DYNLRB2: variants seen among roughly 807,000 people sequenced by gnomAD.
DYNLRB2 encodes the protein dynein light chain roadblock-type 2.
In DYNLRB2, 14 loss-of-function variants were observed where a neutral mutation model predicts 12.6. That is an observed-to-expected ratio of 1.11 (90% CI 0.73 to 1.73). The LOEUF is 1.73. Ranked by LOEUF, DYNLRB2 falls within the 40% of genes most tolerant of loss-of-function variation. The probability of loss-of-function intolerance (pLI) is 0.00; values close to 1 mark genes in which losing one functional copy is unlikely to be tolerated. For missense variants in DYNLRB2, 142 were observed against 117.7 expected, an observed-to-expected ratio of 1.21 and a Z score of -0.95; for synonymous variants, 53 against 37.0, an observed-to-expected ratio of 1.43 and a Z score of -1.57.
At chr16:80,549,690 T>C (rs772045387) in intron 3 of DYNLRB2, 39 bp downstream of exon 3, 14 of 1,539,574 alleles carry the variant, frequency 9.1e-6, no homozygotes, top group Middle Eastern at 1.7e-4. Flanking sequence ...ATCATCTTTC[T>C]AATTTGCTAG....
At chr16:80,549,791 T>A (rs1315301903) in intron 3 of DYNLRB2, 140 bp downstream of exon 3, 2 of 994,062 alleles carry the variant, frequency 2.0e-6, no homozygotes, top group African/African-American at 1.7e-5. Context: ...GATGTTTGAA[T>A]GTAAAAATCC....
intron 2 of DYNLRB2, among the ~76,000 whole-genome samples, chr16:80,543,978 C>CT (rs1904316914): frequency 6.6e-6 from 1 of 152,212 alleles, no homozygotes; most frequent in South Asian, 2.1e-4. Context: ...GTGGCAACCT[C>CT]TTAAGAGTTC....
At chr16:80,548,954 AAC>A (rs1261402551) in intron 2 of DYNLRB2, 1 of 456,042 alleles carries the variant, frequency 2.2e-6, no homozygotes, top group Non-Finnish European at 4.4e-6. Context: ...GAAGAAGACT[AAC>A]ACCATGTCAC....
chr16:80,549,365 G>A (rs1904690001), intron 2 of DYNLRB2, 119 bp from the exon 3 acceptor site: 2 of 1,010,502 alleles, frequency 2.0e-6, no homozygotes, highest in Non-Finnish European at 2.7e-6. Context: ...TACCAGAGAG[G>A]GATAAGCCAT....
At chr16:80,543,416 A>G in intron 2 of DYNLRB2, 65 bp downstream of exon 2, 1 of 1,493,798 alleles carries the variant, frequency 6.7e-7, no homozygotes. Flanking sequence ...TTGCCGTGTT[A>G]GTCCTTAAGA....
intron 2 of DYNLRB2, among the ~76,000 whole-genome samples, chr16:80,545,468 G>A (rs879717771): frequency 5.1e-4 from 78 of 151,952 alleles, no homozygotes; most frequent in African/African-American, 1.4e-3. Flanking sequence ...GCGGTCACCG[G>A]CATGTTCTAA....
At chr16:80,540,907 C>T (rs1909282011), upstream of DYNLRB2, 1 of 1,221,418 alleles carries the variant, frequency 8.2e-7, no homozygotes, top group South Asian at 1.3e-5. Flanking sequence ...GGCCGGGAGG[C>T]ATCAGGAGCG....
Position 80,541,082 on chromosome 16 carries a change from A to G in DYNLRB2, c.3+3A>G. ...AGAGTTTCGCGGCCTCCGCGATGGT[A>G]AATCTGGGGTCTCCGTCCACGCCCC... On this transcript the variant is annotated splice_donor_region_variant and intron_variant, in intron 1 of 3. Coordinates refer to ENST00000305904, the MANE Select transcript of DYNLRB2 (RefSeq NM_130897.3). 1 of 1,607,556 alleles carries G rather than the reference A, an allele frequency of 6.2e-7. No homozygotes were observed. The highest frequency in any genetic ancestry group is 1.7e-5 in the Admixed American group (1 of 59,614).
At chr16:80,540,837 G>A, upstream of DYNLRB2, 1 of 733,684 alleles carries the variant, frequency 1.4e-6, no homozygotes, top group Non-Finnish European at 2.5e-6. Context: ...CACTGCTCCA[G>A]GATTGGGCGA....
At chr16:80,547,751 G>C (rs1258397002) in intron 2 of DYNLRB2, 1 of 455,382 alleles carries the variant, frequency 2.2e-6, no homozygotes, top group African/African-American at 2.0e-5. Context: ...TTTTCTGCTT[G>C]TTAAAGATCC....
intron 2 of DYNLRB2, chr16:80,547,718 G>C (rs1393585216): frequency 4.4e-6 from 2 of 454,818 alleles, no homozygotes; most frequent in South Asian, 1.6e-5. Context: ...CCCATCAAAG[G>C]TTGCATGCTT....
chr16:80,543,179 G>T lies in DYNLRB2; in HGVS notation c.4-97G>T. 2.4e-6 allele frequency: 3 copies of T among 1,227,536 alleles called. No homozygotes were observed. In the South Asian group the frequency reaches 4.1e-5, roughly 17 times the overall value. 76.0% of individuals were successfully genotyped at this position (1,227,536 alleles called of 1,614,324 possible). ...ATCACACCTGGCACCTTAGGTTAAG[G>T]AGATAGGAGAGTAGGTATCTTGCTA... On this transcript the variant is annotated intron_variant, in intron 1 of 3. Transcript: ENST00000305904.
intron 2 of DYNLRB2, among the ~76,000 whole-genome samples, chr16:80,544,402 A>G (rs1244464469): frequency 1.3e-5 from 2 of 152,224 alleles, no homozygotes; most frequent in Non-Finnish European, 2.9e-5. Flanking sequence ...TGAGTGAGAG[A>G]GATAATAGAA....
chr16:80,542,856 C>T (rs1242626938), intron 1 of DYNLRB2, among the ~76,000 whole-genome samples: 1 of 152,048 alleles, frequency 6.6e-6, no homozygotes, highest in Non-Finnish European at 1.5e-5. Context: ...AGAGGGAGGC[C>T]ATGATATAGC....
chr16:80,542,508 T>A (rs1048424286), intron 1 of DYNLRB2, among the ~76,000 whole-genome samples: 3 of 152,212 alleles, frequency 2.0e-5, no homozygotes, highest in Non-Finnish European at 2.9e-5. Flanking sequence ...ATCAAGAGAA[T>A]TTGCAGAATT....
chr16:80,541,190 G>A lies in DYNLRB2; in HGVS notation c.3+111G>A, dbSNP rs940421234. The stretch of plus-strand genomic sequence containing the variant: ...CAGGCACGGGCGGTCCAGGGGCCGC[G>A]GCGGAGGCTGGTGGCTCCAGGATCT... On this transcript the variant is annotated intron_variant, in intron 1 of 3. Coordinates refer to ENST00000305904, the MANE Select transcript of DYNLRB2 (RefSeq NM_130897.3). The A allele has an allele frequency of 3.7e-5, 54 of 1,464,898 alleles. No homozygotes were observed. In the African/African-American group the frequency reaches 7.0e-4, roughly 19 times the overall value. The allele number at this position is 1,464,898 out of a possible 1,614,324, so 90.7% of individuals were successfully genotyped here. A position where few individuals can be genotyped will look rare whatever the true frequency, so the allele number is the denominator to read the frequency against.
intron 2 of DYNLRB2, 75 bp downstream of exon 2, chr16:80,543,426 A>G: frequency 7.1e-7 from 1 of 1,404,096 alleles, no homozygotes; most frequent in Non-Finnish European, 9.9e-7. Context: ...AGTCCTTAAG[A>G]CAAACATCTT....
chr16:80,544,382 C>T (rs1452810546), intron 2 of DYNLRB2, among the ~76,000 whole-genome samples: 2 of 152,186 alleles, frequency 1.3e-5, no homozygotes, highest in African/African-American at 4.8e-5. Flanking sequence ...ACCAGCAACT[C>T]AAGGCCAAAT....
At position 80,550,645 on chromosome 16, in the gene DYNLRB2, C is replaced by A; in HGVS notation, c.*87C>A. 1.4e-6 allele frequency: 2 copies of A among 1,398,136 alleles called. No homozygotes were observed. Among genetic ancestry groups the A allele is most frequent in the East Asian group, 4.6e-5 (2 of 43,816 alleles). The allele number at this position is 1,398,136 out of a possible 1,614,324, so 86.6% of individuals were successfully genotyped here. On this transcript the variant is annotated 3_prime_UTR_variant, in exon 4 of 4. Coordinates refer to ENST00000305904, the MANE Select transcript of DYNLRB2 (RefSeq NM_130897.3). The stretch of plus-strand genomic sequence containing the variant: ...GTATTAAAATTCTATTTCAATCTAA[C>A]TGACCCTTCAAACATTCTTTTCTAT...
Sources: gnomAD v4.1 joint callset for allele counts (sites outside exome capture counted in the v4.1 genomes callset) on GRCh38, gnomAD v4.1.1 for gene constraint, MANE v1.5 for transcripts, NCBI Gene and HGNC (gene_info 2026-07-23, HGNC 2026-07-21) for gene names.